Variants in CEP112 observed in about 807,000 individuals in gnomAD.
CEP112 encodes centrosomal protein 112, also known as centrosomal protein of 112 kDa.
A neutral mutation model predicts 153.0 loss-of-function variants in CEP112; 127 were observed. The observed-to-expected ratio is 0.83, with a 90% confidence interval of 0.72 to 0.96. The LOEUF (loss-of-function observed/expected upper bound fraction) is 0.96. Among genes scored for constraint, CEP112 ranks in the 40% least tolerant of loss-of-function variants. The pLI, the probability that CEP112 is intolerant of heterozygous loss-of-function variation, is 0.00. For synonymous variants in CEP112, 358 were observed against 374.4 expected (o/e 0.96, Z 0.51); for missense variants, 1,089 against 1,101.2 (o/e 0.99, Z 0.16).
intron 1 of CEP112, among the ~76,000 whole-genome samples, chr17:66,186,271 C>T (rs2072931429): frequency 6.6e-6 from 1 of 152,076 alleles, no homozygotes; most frequent in South Asian, 2.1e-4. Context: ...CTGAAACTAG[C>T]CTCTTGTCCT....
intron 18 of CEP112, among the ~76,000 whole-genome samples, chr17:65,953,765 G>T (rs972447601): frequency 2.0e-5 from 3 of 152,050 alleles, no homozygotes; most frequent in African/African-American, 2.4e-5. Context: ...CACTCGACTG[G>T]GAACCACACT....
chr17:65,915,570 G>T (rs1310603732), intron 19 of CEP112, among the ~76,000 whole-genome samples: 1 of 152,016 alleles, frequency 6.6e-6, no homozygotes, highest in Non-Finnish European at 1.5e-5. Flanking sequence ...TGGATCATGA[G>T]GTCAGGAGTT....
At chr17:65,809,271 G>C (rs1306542334) in intron 21 of CEP112, among the ~76,000 whole-genome samples, 1 of 152,160 alleles carries the variant, frequency 6.6e-6, no homozygotes, top group Non-Finnish European at 1.5e-5. Flanking sequence ...GAGGAGTAGG[G>C]GATAAGCTGA....
At chr17:65,846,676 C>T (rs1334226158) in intron 21 of CEP112, among the ~76,000 whole-genome samples, 1 of 152,232 alleles carries the variant, frequency 6.6e-6, no homozygotes, top group Admixed American at 6.5e-5. Context: ...TCACGCCATT[C>T]TCTTGCCTCA....
chr17:66,148,468 A>G (rs572796218), intron 4 of CEP112, among the ~76,000 whole-genome samples: 1 of 152,336 alleles, frequency 6.6e-6, no homozygotes, highest in Admixed American at 6.5e-5. Flanking sequence ...GCCTAATAAT[A>G]TTAAGTCTTC....
At chr17:65,708,548 A>G (rs2049022610) in intron 23 of CEP112, among the ~76,000 whole-genome samples, 1 of 152,138 alleles carries the variant, frequency 6.6e-6, no homozygotes, top group Admixed American at 6.5e-5. Context: ...CCCTGAGTGT[A>G]ATCGTAGAAG....
At chr17:65,650,881 TTCTC>T (rs1396379673) in intron 24 of CEP112, among the ~76,000 whole-genome samples, 5 of 151,682 alleles carry the variant, frequency 3.3e-5, no homozygotes, top group African/African-American at 9.7e-5. Context: ...ATCTTTCTAA[TTCTC>T]TCTCTCGCTC....
chr17:66,027,592 C>A, intron 15 of CEP112, 32 bp from the exon 16 acceptor site: 1 of 1,192,768 alleles, frequency 8.4e-7, no homozygotes, highest in Non-Finnish European at 1.1e-6. Flanking sequence ...ATTTATTATA[C>A]TTTAAATTAT....
chr17:65,901,999 TGGG>T (rs1568196541), intron 20 of CEP112, among the ~76,000 whole-genome samples, 150 bp downstream of exon 20: 1 of 13,458 alleles, frequency 7.4e-5, no homozygotes, highest in Non-Finnish European at 1.3e-4. Context: ...GGGGGGGGGG[TGGG>T]GGGGAGAAAA....
intron 17 of CEP112, among the ~76,000 whole-genome samples, chr17:65,984,960 A>T (rs1219286092): frequency 2.0e-5 from 3 of 152,218 alleles, no homozygotes; most frequent in African/African-American, 7.2e-5. Flanking sequence ...AGAAAGACTG[A>T]ACAAAATCCA....
intron 20 of CEP112, among the ~76,000 whole-genome samples, chr17:65,885,315 T>C (rs1002655714): frequency 8.5e-5 from 13 of 152,176 alleles, no homozygotes; most frequent in Non-Finnish European, 1.5e-4. Context: ...AAACTACTCA[T>C]TCAGTTACTT....
At chr17:66,072,412 T>G (rs1270528658) in intron 8 of CEP112, among the ~76,000 whole-genome samples, 1 of 152,240 alleles carries the variant, frequency 6.6e-6, no homozygotes, top group East Asian at 1.9e-4. Context: ...GCATTGCTTT[T>G]AGTTGTCACA....
intron 21 of CEP112, among the ~76,000 whole-genome samples, chr17:65,785,255 T>C (rs2054219968): frequency 6.6e-6 from 1 of 152,236 alleles, no homozygotes; most frequent in Non-Finnish European, 1.5e-5. Context: ...ACTTTTTGAC[T>C]ACTATGAATA....
intron 22 of CEP112, 39 bp from the exon 23 acceptor site, chr17:65,743,256 T>G: frequency 1.3e-6 from 2 of 1,533,348 alleles, no homozygotes; most frequent in African/African-American, 1.4e-5. Flanking sequence ...CAAATTCTTC[T>G]GGGAGAGGCA....
In CEP112 at chr17:66,047,551, T is replaced by G. The variant is rs973881583; in HGVS notation, c.1218+6185A>C. On this transcript the variant is annotated intron_variant, in intron 12 of 26. Coordinates refer to ENST00000535342, the MANE Select transcript of CEP112 (RefSeq NM_001199165.4). ...TTTTCATCATCTCTTTTCTAAAGTT[T>G]CAATAGTGAGCTTGTATATCTTTTT... is the stretch of plus-strand genomic sequence containing the variant. 5.3e-5 allele frequency among the ~76,000 whole-genome samples: 8 copies of G among 152,362 alleles called. No homozygotes were observed. In the East Asian group the frequency reaches 5.8e-4, roughly 11 times the overall value.
chr17:65,826,549 G>A, intron 21 of CEP112: 1 of 1,322,932 alleles, frequency 7.6e-7, no homozygotes, highest in Non-Finnish European at 9.6e-7. Flanking sequence ...CTAATGTGAT[G>A]CCAGGGCTAA....
chr17:65,830,813 A>G (rs2057043144), intron 21 of CEP112, among the ~76,000 whole-genome samples: 1 of 152,246 alleles, frequency 6.6e-6, no homozygotes, highest in Non-Finnish European at 1.5e-5. Context: ...AAGGTAGTTC[A>G]AAGGTAATGT....
intron 8 of CEP112, among the ~76,000 whole-genome samples, chr17:66,077,046 T>C (rs1162594703): frequency 6.6e-6 from 1 of 152,116 alleles, no homozygotes; most frequent in Non-Finnish European, 1.5e-5. Context: ...GAAAAAAGAA[T>C]CTGAACAACA....
At chr17:66,068,840 AATTGTACATGTTAT>A (rs2146070222) in intron 9 of CEP112, among the ~76,000 whole-genome samples, 1 of 152,218 alleles carries the variant, frequency 6.6e-6, no homozygotes, top group South Asian at 2.1e-4. Flanking sequence ...ACTCTATTTC[AATTGTACATGTTAT>A]ATTGAAATTA....
Sources: allele counts gnomAD v4.1 joint callset (sites outside exome capture counted in the v4.1 genomes callset), GRCh38; gene constraint gnomAD v4.1.1; transcripts MANE v1.5; gene names NCBI Gene and HGNC (gene_info 2026-07-23, HGNC 2026-07-21).